The following CCDC85C variants were observed in gnomAD, a reference collection of about 807,000 sequenced individuals.
CCDC85C encodes coiled-coil domain containing 85C.
In CCDC85C, 18 loss-of-function variants were observed where a neutral mutation model predicts 38.3. The observed-to-expected ratio is 0.47, with a 90% CI of 0.33 to 0.70. The LOEUF (loss-of-function observed/expected upper bound fraction) is 0.70, where lower values mean the gene tolerates loss of function less well. Among genes scored for constraint, CCDC85C ranks in the 30% least tolerant of loss-of-function variants. CCDC85C has a pLI of 0.03. For synonymous variants in CCDC85C, 264 were observed against 293.8 expected, an observed-to-expected ratio of 0.90 and a Z score of 1.04; for missense variants, 566 against 621.2, an observed-to-expected ratio of 0.91 and a Z score of 0.94.
intron 1 of CCDC85C, among the ~76,000 whole-genome samples, chr14:99,590,094 G>T (rs892482041): frequency 6.6e-6 from 1 of 152,228 alleles, no homozygotes; most frequent in Non-Finnish European, 1.5e-5. Flanking sequence ...CCTCATGGGG[G>T]ACAAGCTTTT....
chr14:99,592,556 A>G (rs903666494), intron 1 of CCDC85C, among the ~76,000 whole-genome samples: 2 of 152,218 alleles, frequency 1.3e-5, no homozygotes, highest in Non-Finnish European at 2.9e-5. Flanking sequence ...AGACAATCCC[A>G]GGGGGAAATC....
At chr14:99,562,427 G>T (rs1898134981) in intron 1 of CCDC85C, among the ~76,000 whole-genome samples, 1 of 152,206 alleles carries the variant, frequency 6.6e-6, no homozygotes, top group South Asian at 2.1e-4. Flanking sequence ...CGCGCTGCTG[G>T]ACATCAGGCA....
intron 1 of CCDC85C, among the ~76,000 whole-genome samples, chr14:99,577,678 AGTGTGTGT>A (rs56254947): frequency 7.1e-6 from 1 of 141,838 alleles, no homozygotes; most frequent in Non-Finnish European, 1.5e-5. Flanking sequence ...ATCCCCCATC[AGTGTGTGT>A]GTGTGTGTGT....
At chr14:99,536,226 C>T in intron 1 of CCDC85C, 138 bp from the exon 2 acceptor site, 2 of 683,314 alleles carry the variant, frequency 2.9e-6, no homozygotes, top group Middle Eastern at 2.6e-4. Flanking sequence ...GACGCCCCAG[C>T]CCCTCCGAGC....
chr14:99,578,308 A>G (rs1305415378), intron 1 of CCDC85C, among the ~76,000 whole-genome samples: 6 of 104,656 alleles, frequency 5.7e-5, no homozygotes, highest in African/African-American at 2.0e-4. Context: ...ATCCCCCATC[A>G]GTGTGTGTGT....
At chr14:99,531,923 C>CAG (rs1897502042) in intron 2 of CCDC85C, among the ~76,000 whole-genome samples, 1 of 152,254 alleles carries the variant, frequency 6.6e-6, no homozygotes, top group African/African-American at 2.4e-5. Flanking sequence ...GGTACCCTCA[C>CAG]TACCTGCTGA....
rs370947030 is a variant in CCDC85C, at chr14:99,572,544, G to A, written c.793+30623C>T. Among the ~76,000 whole-genome samples, 105 of 152,144 alleles carry A rather than the reference G, an allele frequency of 6.9e-4. No individual in the cohort carries two copies. In the Middle Eastern group the frequency reaches 0.01, roughly 15 times the overall value. Reference sequence around the variant, plus strand: ...TAGCTCCTCCTACCCTGCCCCCTTCGGTCACCAGAGTCCAGCCACAGGGCC... The same window carrying A: ...TAGCTCCTCCTACCCTGCCCCCTTCAGTCACCAGAGTCCAGCCACAGGGCC... On this transcript the variant is annotated intron_variant, in intron 1 of 5. Transcript: ENST00000380243. The surrounding 1 kb of genome is among the most constrained non-coding windows in gnomAD (Gnocchi z 4.4).
At chr14:99,538,787 C>G (rs999564298) in intron 1 of CCDC85C, among the ~76,000 whole-genome samples, 2 of 152,224 alleles carry the variant, frequency 1.3e-5, no homozygotes, top group African/African-American at 4.8e-5. Context: ...GTTTCACACC[C>G]ACTTCCCAGT....
Position 99,510,693 on chromosome 14 carries a change from C to G in CCDC85C, c.*4553G>C, listed in dbSNP as rs753951143. Reference sequence around the variant, plus strand: ...CAGCTACCCACCTCCTGCCGTCCCCCCTGGAGGACAGCCTCCTGTGCCCCC... The same window carrying G: ...CAGCTACCCACCTCCTGCCGTCCCCGCTGGAGGACAGCCTCCTGTGCCCCC... On this transcript the variant is annotated 3_prime_UTR_variant, in exon 6 of 6. Transcript: ENST00000380243. 1.4e-5 allele frequency: 20 copies of G among 1,431,020 alleles called. No individual in the cohort carries two copies. The African/African-American group carries it at 1.6e-4, about 12-fold the overall frequency. The allele number at this position is 1,431,020 out of a possible 1,614,324, so 88.6% of individuals were successfully genotyped here.
Position 99,502,255 on chromosome 14 carries a change from A to C in CCDC85C, c.*12991T>G. On this transcript the variant is annotated 3_prime_UTR_variant, in exon 6 of 6. Coordinates refer to ENST00000380243, the MANE Select transcript of CCDC85C (RefSeq NM_001144995.2). Reference sequence around the variant, plus strand: ...AGTGGGAACCAGAGATCATAGCAGTAGCAGTGATGTATCTCGCAGGACGTT... The same window carrying C: ...AGTGGGAACCAGAGATCATAGCAGTCGCAGTGATGTATCTCGCAGGACGTT... The C allele has an allele frequency of 6.2e-7, 1 of 1,606,686 alleles. No homozygotes were observed. The highest frequency in any genetic ancestry group is 2.2e-5 in the East Asian group (1 of 44,736).
At chr14:99,536,402 T>C (rs563218315) in intron 1 of CCDC85C, among the ~76,000 whole-genome samples, 14 of 152,038 alleles carry the variant, frequency 9.2e-5, no homozygotes, top group African/African-American at 3.4e-4. Context: ...TGTAGAAAGG[T>C]GGGGGGTGTG....
rs1456140002 is a variant in CCDC85C, at chr14:99,511,982, T to C, written c.*3264A>G. ...GCTTGAGGGGCCTTGGCCCTGTCTC[T>C]GCCTGCTGACCCTGCCACCCACGAC... On this transcript the variant is annotated 3_prime_UTR_variant, in exon 6 of 6. Transcript: ENST00000380243. 1 of 152,242 alleles carries C rather than the reference T, an allele frequency of 6.6e-6. No homozygotes were observed. Among genetic ancestry groups the C allele is most frequent in the Non-Finnish European group, 1.5e-5 (1 of 68,058 alleles). The allele number at this position is 152,242 out of a possible 1,614,324, so 9.4% of individuals were successfully genotyped here.
Position 99,503,294 on chromosome 14 carries a change from C to T in CCDC85C, c.*11952G>A, listed in dbSNP as rs1251176656. Reference sequence around the variant, plus strand: ...AGCAGTGTCGTTGTGCATGCTGCTTCTGTGCAGCTGCCTGACCCCAAACAG... The same window carrying T: ...AGCAGTGTCGTTGTGCATGCTGCTTTTGTGCAGCTGCCTGACCCCAAACAG... On this transcript the variant is annotated 3_prime_UTR_variant, in exon 6 of 6. Transcript: ENST00000380243. The T allele has an allele frequency of 1.6e-6, 1 of 612,368 alleles. No homozygotes were observed. Among genetic ancestry groups the T allele is most frequent in the East Asian group, 2.8e-5 (1 of 36,024 alleles). 37.9% of individuals were successfully genotyped at this position (612,368 alleles called of 1,614,324 possible).
At chr14:99,575,901 G>A (rs945891439) in intron 1 of CCDC85C, among the ~76,000 whole-genome samples, 2 of 152,206 alleles carry the variant, frequency 1.3e-5, no homozygotes, top group Admixed American at 1.3e-4. Flanking sequence ...TGCCTACAGG[G>A]GGCAGAGGTA....
intron 1 of CCDC85C, among the ~76,000 whole-genome samples, chr14:99,550,972 C>T (rs1566770509): frequency 6.6e-6 from 1 of 152,236 alleles, no homozygotes; most frequent in African/African-American, 2.4e-5. Flanking sequence ...TACCACATCA[C>T]TGCCAACATT....
chr14:99,503,910 T>C lies in CCDC85C; in HGVS notation c.*11336A>G. ...ACATATATAAAAGTATAATTATGGC[T>C]GTAGGAGAACTGTTGCTGCAATTTT... On this transcript the variant is annotated 3_prime_UTR_variant, in exon 6 of 6. Coordinates refer to ENST00000380243, the MANE Select transcript of CCDC85C (RefSeq NM_001144995.2). 2.1e-6 allele frequency: 1 copy of C among 481,096 alleles called. No individual in the cohort carries two copies. The allele number at this position is 481,096 out of a possible 1,614,324, so 29.8% of individuals were successfully genotyped here.
rs545128322 is a variant in CCDC85C, at chr14:99,576,286, T to C, written c.793+26881A>G. Among the ~76,000 whole-genome samples, 37 of 152,300 alleles carry C rather than the reference T, an allele frequency of 2.4e-4. No individual in the cohort carries two copies. The highest frequency in any genetic ancestry group is 7.5e-4 in the African/African-American group (31 of 41,574). On this transcript the variant is annotated intron_variant, in intron 1 of 5. Coordinates refer to ENST00000380243, the MANE Select transcript of CCDC85C (RefSeq NM_001144995.2). This position sits in a 1 kb window ranked among gnomAD's most constrained non-coding sequence, Gnocchi z 4.8. ...CCGAAGCCCACCCTCTGACCCCATC[T>C]AAAATCCAGGGCCAGGGCCCCTCGA...
intron 1 of CCDC85C, among the ~76,000 whole-genome samples, chr14:99,550,813 G>C (rs929714036): frequency 6.6e-6 from 1 of 152,102 alleles, no homozygotes; most frequent in Non-Finnish European, 1.5e-5. Flanking sequence ...CCTCTGAGCC[G>C]AGATACCAGC....
rs1341228400 is a variant in CCDC85C, at chr14:99,505,499, G to A, written c.*9747C>T. Reference sequence around the variant, plus strand: ...GTTGAAATAAAATTTTCGATCTATCGGGTTAAATAAATTTTATCCTTTTTC... The same window carrying A: ...GTTGAAATAAAATTTTCGATCTATCAGGTTAAATAAATTTTATCCTTTTTC... On this transcript the variant is annotated 3_prime_UTR_variant, in exon 6 of 6. Coordinates refer to ENST00000380243, the MANE Select transcript of CCDC85C (RefSeq NM_001144995.2). 1.5e-4 allele frequency: 4 copies of A among 27,226 alleles called. No individual in the cohort carries two copies. Among genetic ancestry groups the A allele is most frequent in the South Asian group, 2.5e-3 (1 of 408 alleles). 1.7% of individuals were successfully genotyped at this position (27,226 alleles called of 1,614,324 possible).
Sources: gnomAD v4.1 joint callset for allele counts (sites outside exome capture counted in the v4.1 genomes callset) on GRCh38, gnomAD v4.1.1 for gene constraint, Gnocchi (gnomAD v3.1) non-coding constraint, MANE v1.5 for transcripts, NCBI Gene and HGNC (gene_info 2026-07-23, HGNC 2026-07-21) for gene names.